CNTLN: variants seen among roughly 807,000 people sequenced by gnomAD.
CNTLN encodes centlein, centrosomal protein.
In CNTLN, 212 loss-of-function variants were observed where a neutral mutation model predicts 180.0. The observed-to-expected ratio is 1.18, with a 90% CI of 1.05 to 1.32. CNTLN has a LOEUF of 1.32. Among genes scored for constraint, CNTLN ranks in the 40% most tolerant of loss-of-function variants. The pLI, the probability that CNTLN is intolerant of heterozygous loss-of-function variation, is 0.00. For missense variants in CNTLN, 2,095 were observed against 1,610.9 expected (o/e 1.30, Z -5.14); for synonymous variants, 722 against 563.1 (o/e 1.28, Z -3.99).
intron 6 of CNTLN, among the ~76,000 whole-genome samples, chr9:17,290,288 C>T (rs1829284634): frequency 1.3e-5 from 2 of 151,818 alleles, no homozygotes; most frequent in African/African-American, 4.8e-5. Context: ...TCAGTCTGCC[C>T]CTGCTGGGGG....
At chr9:17,308,407 A>G (rs3808785) in intron 7 of CNTLN, among the ~76,000 whole-genome samples, 30,316 of 151,854 alleles carry the variant, frequency 0.2, 3,734 homozygotes, top group African/African-American at 0.34. Flanking sequence ...CATTCTTTCT[A>G]CAGCCTTACT....
At chr9:17,440,370 G>A (rs903146368) in intron 18 of CNTLN, among the ~76,000 whole-genome samples, 21 of 147,586 alleles carry the variant, frequency 1.4e-4, no homozygotes, top group African/African-American at 3.3e-4. Flanking sequence ...TCAGGAGATC[G>A]AGACCATCCT....
At chr9:17,266,311 G>A (rs1158654878) in intron 5 of CNTLN, among the ~76,000 whole-genome samples, 1 of 152,162 alleles carries the variant, frequency 6.6e-6, no homozygotes, top group East Asian at 1.9e-4. Context: ...TAGTCACTCA[G>A]GACCAGGTTG....
rs1033680321 is a variant in CNTLN, at chr9:17,465,580, C to A, written c.3532-401C>A. Among the ~76,000 whole-genome samples the A allele has an allele frequency of 3.4e-5, 5 of 147,408 alleles. 1 individual carries two copies. Among genetic ancestry groups the A allele is most frequent in the Admixed American group, 2.7e-4 (4 of 14,756 alleles). ...TATAAAATATCCTATTGTTTTATTT[C>A]ATCCAAAAAAAGGTATGTAATAGTT... On this transcript the variant is annotated intron_variant, in intron 21 of 25. Coordinates refer to ENST00000380647, the MANE Select transcript of CNTLN (RefSeq NM_017738.4).
At chr9:17,166,985 G>A in intron 2 of CNTLN, 2 of 362,992 alleles carry the variant, frequency 5.5e-6, no homozygotes, top group Non-Finnish European at 1.1e-5. Flanking sequence ...CAATGAAGCA[G>A]GACTACAGCA....
intron 8 of CNTLN, among the ~76,000 whole-genome samples, chr9:17,313,898 G>C (rs866528224): frequency 6.6e-6 from 1 of 152,072 alleles, no homozygotes; most frequent in Admixed American, 6.6e-5. Context: ...CTGGGTTCAA[G>C]TGATTCACCT....
In CNTLN at chr9:17,138,660, T is replaced by C. The variant is rs1449587171; in HGVS notation, c.360+3235T>C. Among the ~76,000 whole-genome samples the C allele has an allele frequency of 6.6e-5, 10 of 152,334 alleles. No homozygotes were observed. The South Asian group carries it at 1.7e-3, about 25-fold the overall frequency. ...AATAATTTACTAAGTGGCTACCTGG[T>C]GCCATATTTTGTAAGTAAACTCTTG... On this transcript the variant is annotated intron_variant, in intron 1 of 25. Transcript: ENST00000380647.
intron 2 of CNTLN, among the ~76,000 whole-genome samples, chr9:17,213,662 C>T (rs141998970): frequency 3.9e-5 from 6 of 152,076 alleles, no homozygotes; most frequent in East Asian, 1.9e-4. Flanking sequence ...GGGGTGTTAT[C>T]GTCTCCCATT....
chr9:17,467,545 C>A (rs1395561926), intron 23 of CNTLN, among the ~76,000 whole-genome samples: 1 of 151,558 alleles, frequency 6.6e-6, no homozygotes, highest in Non-Finnish European at 1.5e-5. Context: ...AAAATATCTG[C>A]AAAATGAATT....
At chr9:17,146,109 G>C (rs1173373713) in intron 2 of CNTLN, among the ~76,000 whole-genome samples, 2 of 152,142 alleles carry the variant, frequency 1.3e-5, no homozygotes, top group Non-Finnish European at 2.9e-5. Context: ...AACATCATCT[G>C]TTTATTTGGG....
chr9:17,142,836 T>A (rs1818199305), intron 1 of CNTLN, among the ~76,000 whole-genome samples: 1 of 152,200 alleles, frequency 6.6e-6, no homozygotes, highest in African/African-American at 2.4e-5. Flanking sequence ...CCATTGTCCT[T>A]TGGATTTGGC....
chr9:17,224,528 C>T (rs1368622348), intron 2 of CNTLN, among the ~76,000 whole-genome samples: 1 of 151,984 alleles, frequency 6.6e-6, no homozygotes, highest in African/African-American at 2.4e-5. Flanking sequence ...CTTGTCTCAA[C>T]TGTGTTTTCA....
chr9:17,194,402 T>C (rs1296220596), intron 2 of CNTLN, among the ~76,000 whole-genome samples: 1 of 152,230 alleles, frequency 6.6e-6, no homozygotes, highest in African/African-American at 2.4e-5. Flanking sequence ...AAATTTCTCC[T>C]GCCAGATACC....
chr9:17,282,905 C>T (rs62292769), intron 6 of CNTLN, among the ~76,000 whole-genome samples: 16 of 151,936 alleles, frequency 1.1e-4, no homozygotes, highest in South Asian at 2.1e-4. Flanking sequence ...TGTAGATGTG[C>T]GGTCTTATTT....
intron 23 of CNTLN, among the ~76,000 whole-genome samples, chr9:17,468,636 T>C (rs1455257195): frequency 6.6e-6 from 1 of 151,612 alleles, no homozygotes; most frequent in Non-Finnish European, 1.5e-5. Context: ...TGAATGAGAA[T>C]CAGAAGTTTT....
chr9:17,254,045 G>C (rs1826318601), intron 5 of CNTLN, among the ~76,000 whole-genome samples: 2 of 151,528 alleles, frequency 1.3e-5, no homozygotes, highest in East Asian at 1.9e-4. Flanking sequence ...GATTATTTTT[G>C]TCCTTCAGTT....
intron 6 of CNTLN, among the ~76,000 whole-genome samples, chr9:17,282,762 G>A (rs2132599156): frequency 6.6e-6 from 1 of 152,162 alleles, no homozygotes; most frequent in African/African-American, 2.4e-5. Flanking sequence ...ATTGATTTTT[G>A]TATAAGGCAT....
chr9:17,244,387 T>C (rs1057174911), intron 5 of CNTLN, among the ~76,000 whole-genome samples: 7 of 152,148 alleles, frequency 4.6e-5, no homozygotes, highest in African/African-American at 1.7e-4. Context: ...AATTTTTTGC[T>C]TTTTAATTTT....
chr9:17,237,565 A>T (rs1274887603), intron 5 of CNTLN, among the ~76,000 whole-genome samples: 1 of 152,178 alleles, frequency 6.6e-6, no homozygotes. Context: ...TTTACATTGT[A>T]TTCAGTATTT....
Sources: allele counts gnomAD v4.1 joint callset (sites outside exome capture counted in the v4.1 genomes callset), GRCh38; gene constraint gnomAD v4.1.1; transcripts MANE v1.5; gene names NCBI Gene and HGNC (gene_info 2026-07-23, HGNC 2026-07-21).